PLAC8L1: variants seen among roughly 807,000 people sequenced by gnomAD.
PLAC8L1 encodes the protein PLAC8 like 1, also known as PLAC8-like protein 1.
In PLAC8L1, 13 loss-of-function variants were observed where a neutral mutation model predicts 16.3. The observed-to-expected ratio is 0.80, with a 90% CI of 0.52 to 1.27. PLAC8L1 has a LOEUF of 1.27. PLAC8L1 is among the 50% of genes most tolerant of loss of function. The pLI is 0.00. For synonymous variants in PLAC8L1, 78 were observed against 79.3 expected (o/e 0.98, Z 0.09); for missense variants, 184 against 220.2 (o/e 0.84, Z 1.04).
chr5:146,101,384 CTT>C (rs935349741), intron 1 of PLAC8L1, among the ~76,000 whole-genome samples: 1 of 152,124 alleles, frequency 6.6e-6, no homozygotes, highest in Non-Finnish European at 1.5e-5. Flanking sequence ...AATTATTTCT[CTT>C]GTTTAAGCCA....
chr5:146,089,266 A>C (rs537686661), intron 2 of PLAC8L1, among the ~76,000 whole-genome samples: 1 of 152,344 alleles, frequency 6.6e-6, no homozygotes, highest in East Asian at 1.9e-4. Flanking sequence ...TGCTGAAAGA[A>C]ACATACCTCA....
intron 2 of PLAC8L1, among the ~76,000 whole-genome samples, chr5:146,092,426 C>G (rs1434804155): frequency 1.3e-5 from 2 of 151,630 alleles, no homozygotes; most frequent in Non-Finnish European, 2.9e-5. Flanking sequence ...CAGTGATATT[C>G]ATATAGCAGT....
chr5:146,101,369 G>A (rs908709084), intron 1 of PLAC8L1, among the ~76,000 whole-genome samples: 7 of 152,134 alleles, frequency 4.6e-5, no homozygotes, highest in Non-Finnish European at 8.8e-5. Flanking sequence ...CCAGAACTGT[G>A]AGAAAATTAT....
intron 3 of PLAC8L1, 51 bp from the exon 4 acceptor site, chr5:146,084,623 C>A (rs1198654380): frequency 2.5e-6 from 4 of 1,604,716 alleles, no homozygotes; most frequent in East Asian, 2.2e-5. Flanking sequence ...GCTCATTTTT[C>A]TTCCCCAGGG....
chr5:146,085,015 T>C (rs1244568207), intron 3 of PLAC8L1, among the ~76,000 whole-genome samples: 1 of 152,246 alleles, frequency 6.6e-6, no homozygotes, highest in African/African-American at 2.4e-5. Flanking sequence ...ACCAGTTTCT[T>C]GTAACCACTT....
chr5:146,101,502 T>G (rs1270173038), intron 1 of PLAC8L1, among the ~76,000 whole-genome samples: 1 of 152,196 alleles, frequency 6.6e-6, no homozygotes, highest in Non-Finnish European at 1.5e-5. Context: ...TTCCTCTGCC[T>G]CCATGTGTGC....
intron 1 of PLAC8L1, among the ~76,000 whole-genome samples, chr5:146,101,489 T>C (rs1402346605): frequency 3.3e-5 from 5 of 152,228 alleles, no homozygotes; most frequent in African/African-American, 1.2e-4. Context: ...TTTTATGTCT[T>C]ATTTCCTCTG....
chr5:146,098,140 A>T lies in PLAC8L1; in HGVS notation c.256+16T>A, dbSNP rs367556631. On this transcript the variant is annotated intron_variant, in intron 2 of 3. Coordinates refer to ENST00000311450, the MANE Select transcript of PLAC8L1 (RefSeq NM_001029869.3). ...AAAATAGTAAGGAGGAACTTAAATAAGGAGGAAAAACTTACAAATTCTCCT... is the reference window on the plus strand; with the variant it reads ...AAAATAGTAAGGAGGAACTTAAATATGGAGGAAAAACTTACAAATTCTCCT... 9 of 1,602,930 alleles carry T rather than the reference A, an allele frequency of 5.6e-6. No homozygotes were observed. In the East Asian group the frequency reaches 2.0e-4, roughly 36 times the overall value.
intron 2 of PLAC8L1, among the ~76,000 whole-genome samples, chr5:146,091,185 C>T (rs892179523): frequency 6.6e-6 from 1 of 152,196 alleles, no homozygotes; most frequent in Non-Finnish European, 1.5e-5. Flanking sequence ...GACAATGTTA[C>T]ATCATCTAGG....
At chr5:146,101,444 C>A (rs1158420383) in intron 1 of PLAC8L1, among the ~76,000 whole-genome samples, 1 of 152,164 alleles carries the variant, frequency 6.6e-6, no homozygotes, top group African/African-American at 2.4e-5. Flanking sequence ...ATTAAGACAT[C>A]TTTGCTGATT....
At chr5:146,100,898 C>T (rs1171481578) in intron 1 of PLAC8L1, among the ~76,000 whole-genome samples, 1 of 152,096 alleles carries the variant, frequency 6.6e-6, no homozygotes, top group African/African-American at 2.4e-5. Flanking sequence ...GATCCTGATT[C>T]AGTAAGTTTG....
intron 3 of PLAC8L1, among the ~76,000 whole-genome samples, chr5:146,084,903 GGCC>G (rs1208369150): frequency 6.6e-6 from 1 of 152,066 alleles, no homozygotes; most frequent in Non-Finnish European, 1.5e-5. Flanking sequence ...AAGTGAACAT[GGCC>G]TAAAATTTCA....
chr5:146,084,742 AT>A (rs1351476329), intron 3 of PLAC8L1, among the ~76,000 whole-genome samples, 170 bp from the exon 4 acceptor site: 56 of 152,350 alleles, frequency 3.7e-4, no homozygotes, highest in African/African-American at 1.3e-3. Flanking sequence ...AAGCAGCTGA[AT>A]TGCTAATCAA....
At chr5:146,093,034 T>C (rs1223375409) in intron 2 of PLAC8L1, among the ~76,000 whole-genome samples, 1 of 152,038 alleles carries the variant, frequency 6.6e-6, no homozygotes. Flanking sequence ...CACACACACA[T>C]ATAAGCAAAA....
Position 146,104,299 on chromosome 5 carries a change from C to T in PLAC8L1, c.13G>A (p.Gly5Arg). ...TCAGGACACCTGAAGAAGTTACTTC[C>T]AAACCAATTCATAGTGAGAAGTGTT... MNWF[G>R]SNFFRCPEDL... is the part of the protein sequence containing the mutation. The change falls in exon 1 of 4, where the codon GGA (glycine) becomes AGA (arginine). Residue 5 changes from glycine (G) to arginine (R), a missense_variant. Physicochemically the swap from Gly to Arg is moderately radical, Grantham distance 125. Transcript: ENST00000311450. 7 of 1,607,804 alleles carry T rather than the reference C, an allele frequency of 4.4e-6. No individual in the cohort carries two copies. The highest frequency in any genetic ancestry group is 6.0e-6 in the Non-Finnish European group (7 of 1,174,306).
In PLAC8L1 at chr5:146,103,464, C is replaced by A. The variant is rs532838016; in HGVS notation, c.119+729G>T. On this transcript the variant is annotated intron_variant, in intron 1 of 3. Transcript: ENST00000311450. Reference sequence around the variant, plus strand: ...ATGAGCCACTGCGCCTGGCCTCAGACCCCATCTCTTAAAAAAAAAAGATTC... The same window carrying A: ...ATGAGCCACTGCGCCTGGCCTCAGAACCCATCTCTTAAAAAAAAAAGATTC... Among the ~76,000 whole-genome samples, 5 of 152,084 alleles carry A rather than the reference C, an allele frequency of 3.3e-5. No individual in the cohort carries two copies. In the East Asian group the frequency reaches 9.7e-4, roughly 29 times the overall value.
At chr5:146,085,433 G>A in intron 3 of PLAC8L1, 28 bp downstream of exon 3, 1 of 1,601,310 alleles carries the variant, frequency 6.2e-7, no homozygotes, top group Non-Finnish European at 8.5e-7. Flanking sequence ...ACAGATTCGG[G>A]TTCACGTATA....
intron 2 of PLAC8L1, among the ~76,000 whole-genome samples, chr5:146,087,407 G>T (rs570483886): frequency 2.6e-5 from 4 of 152,310 alleles, no homozygotes; most frequent in African/African-American, 9.6e-5. Context: ...GCTAGGTTAT[G>T]GGGTAGATAT....
chr5:146,104,364 A>T lies in PLAC8L1; in HGVS notation c.-53T>A. The T allele has an allele frequency of 7.1e-7, 1 of 1,416,224 alleles. No homozygotes were observed. 87.7% of individuals were successfully genotyped at this position (1,416,224 alleles called of 1,614,324 possible). A position where few individuals can be genotyped will look rare whatever the true frequency, so the allele number is the denominator to read the frequency against. On this transcript the variant is annotated 5_prime_UTR_variant, in exon 1 of 4. Transcript: ENST00000311450. Reference sequence around the variant, plus strand: ...GCTATCCTTTTTCCCTTTGGCAATAAGCTGGTTTCTAAACTTCGGATTAGT... The same window carrying T: ...GCTATCCTTTTTCCCTTTGGCAATATGCTGGTTTCTAAACTTCGGATTAGT...
Sources: allele counts gnomAD v4.1 joint callset (sites outside exome capture counted in the v4.1 genomes callset), GRCh38; gene constraint gnomAD v4.1.1; transcripts MANE v1.5; gene names NCBI Gene and HGNC (gene_info 2026-07-23, HGNC 2026-07-21).